ADAM12: variants seen among roughly 807,000 people sequenced by gnomAD.
The protein encoded by ADAM12 is ADAM metallopeptidase domain 12.
Under a neutral mutation model 106.4 loss-of-function variants are expected in ADAM12, and 70 were observed. The ratio of observed to expected loss-of-function variants is 0.66; its 90% CI spans 0.54 to 0.80. The LOEUF (loss-of-function observed/expected upper bound fraction) is 0.80. ADAM12 is among the 30% of genes least tolerant of loss of function. ADAM12 has a pLI of 0.00. For synonymous variants in ADAM12, 420 were observed against 433.5 expected (o/e 0.97, Z 0.39); for missense variants, 1,010 against 1,171.9 (o/e 0.86, Z 2.02).
intron 2 of ADAM12, among the ~76,000 whole-genome samples, chr10:126,318,792 A>C (rs1853988075): frequency 6.6e-6 from 1 of 152,252 alleles, no homozygotes; most frequent in Non-Finnish European, 1.5e-5. Flanking sequence ...AAGACTGGGT[A>C]ATTTTTAAAG....
intron 2 of ADAM12, among the ~76,000 whole-genome samples, chr10:126,311,603 C>T (rs1393345626): frequency 6.6e-6 from 1 of 152,030 alleles, no homozygotes; most frequent in Admixed American, 6.6e-5. Flanking sequence ...CCACCCCCAT[C>T]CTCTGGGGAG....
chr10:126,138,248 G>C (rs1305030992), intron 4 of ADAM12, among the ~76,000 whole-genome samples: 1 of 152,034 alleles, frequency 6.6e-6, no homozygotes, highest in Non-Finnish European at 1.5e-5. Flanking sequence ...ATTGGATTTT[G>C]GTGTTTTTAT....
At chr10:126,088,923 T>C (rs557511327) in intron 11 of ADAM12, among the ~76,000 whole-genome samples, 1 of 152,184 alleles carries the variant, frequency 6.6e-6, no homozygotes, top group South Asian at 2.1e-4. Context: ...TTGATCTGGG[T>C]GTAGATTGCA....
chr10:126,339,635 A>G (rs1854846661), intron 1 of ADAM12, among the ~76,000 whole-genome samples: 1 of 152,150 alleles, frequency 6.6e-6, no homozygotes, highest in African/African-American at 2.4e-5. Flanking sequence ...TTTCTCATCA[A>G]GAGAACATGA....
intron 2 of ADAM12, among the ~76,000 whole-genome samples, chr10:126,326,080 G>A (rs941552790): frequency 1.5e-4 from 23 of 152,190 alleles, no homozygotes; most frequent in Non-Finnish European, 2.5e-4. Flanking sequence ...AAGAGACAGA[G>A]AACTTGACAG....
At chr10:126,336,887 C>T (rs904429975) in intron 1 of ADAM12, among the ~76,000 whole-genome samples, 12 of 152,196 alleles carry the variant, frequency 7.9e-5, no homozygotes, top group Non-Finnish European at 1.5e-4. Flanking sequence ...ATCCACCACA[C>T]GCTCTCAATG....
At chr10:126,312,324 A>T (rs910613266) in intron 2 of ADAM12, among the ~76,000 whole-genome samples, 10 of 152,124 alleles carry the variant, frequency 6.6e-5, no homozygotes, top group Non-Finnish European at 1.3e-4. Flanking sequence ...TTCCAAGCAC[A>T]CCTGCTCCTT....
At chr10:126,081,558 G>C (rs1278340) in intron 11 of ADAM12, among the ~76,000 whole-genome samples, 62,653 of 152,072 alleles carry the variant, frequency 0.41, 13,765 homozygotes, top group African/African-American at 0.53. Flanking sequence ...GCCACAGATT[G>C]GGCAGACCCA....
rs1054681508 is a variant in ADAM12, at chr10:126,041,431, C to CTT, written c.2104+1607_2104+1608dup. ...TTGTTTTCACTTTTTAACATTCTTA[C>CTT]TTGTTAAATGAAGGGTTGGTGACTC... On this transcript the variant is annotated intron_variant, in intron 18 of 22. Coordinates refer to ENST00000448723, the MANE Select transcript of ADAM12 (RefSeq NM_001288973.2). The CTT allele has an allele frequency of 2.0e-5, 20 of 985,538 alleles. No individual in the cohort carries two copies. The African/African-American group carries it at 3.3e-4, about 16-fold the overall frequency. The allele number at this position is 985,538 out of a possible 1,614,324, so 61.0% of individuals were successfully genotyped here.
chr10:126,170,750 C>G (rs1274483282), intron 3 of ADAM12, among the ~76,000 whole-genome samples: 1 of 152,194 alleles, frequency 6.6e-6, no homozygotes, highest in Non-Finnish European at 1.5e-5. Flanking sequence ...CTTCTGTTTT[C>G]TTTGTTTTAA....
intron 3 of ADAM12, among the ~76,000 whole-genome samples, chr10:126,261,117 T>C (rs1483313908): frequency 6.6e-6 from 1 of 152,234 alleles, no homozygotes; most frequent in African/African-American, 2.4e-5. Context: ...CAGTAGGTTA[T>C]ATGCAAATAC....
intron 14 of ADAM12, among the ~76,000 whole-genome samples, chr10:126,061,455 C>A (rs1348361359): frequency 6.6e-6 from 1 of 152,160 alleles, no homozygotes; most frequent in East Asian, 1.9e-4. Context: ...CTAAAAGGCC[C>A]ACATCCTTGT....
At chr10:126,249,379 CT>C (rs1348582594) in intron 3 of ADAM12, among the ~76,000 whole-genome samples, 1 of 152,114 alleles carries the variant, frequency 6.6e-6, no homozygotes, top group African/African-American at 2.4e-5. Flanking sequence ...AAGCAGACGC[CT>C]TACAAATTAG....
chr10:126,065,848 C>T (rs1344719475), intron 13 of ADAM12, among the ~76,000 whole-genome samples: 1 of 152,156 alleles, frequency 6.6e-6, no homozygotes, highest in Non-Finnish European at 1.5e-5. Flanking sequence ...CTTGCTTCCC[C>T]CTTCCCCCGA....
chr10:126,336,990 G>A (rs1854725477), intron 1 of ADAM12, among the ~76,000 whole-genome samples: 1 of 152,232 alleles, frequency 6.6e-6, no homozygotes, highest in African/African-American at 2.4e-5. Flanking sequence ...GGGCCGGCAA[G>A]AGGATCAAAT....
intron 20 of ADAM12, 119 bp downstream of exon 20, chr10:126,038,122 T>C: frequency 1.0e-6 from 1 of 969,778 alleles, no homozygotes. Context: ...GCTGACCTAG[T>C]GAGGCTGACT....
intron 2 of ADAM12, among the ~76,000 whole-genome samples, chr10:126,324,281 G>T (rs1433310304): frequency 1.3e-5 from 2 of 152,232 alleles, no homozygotes; most frequent in Non-Finnish European, 2.9e-5. Context: ...TGCTTAAGTG[G>T]TGCTTCAAGA....
chr10:126,266,201 C>T (rs763499028), intron 3 of ADAM12, among the ~76,000 whole-genome samples: 28 of 152,184 alleles, frequency 1.8e-4, no homozygotes, highest in African/African-American at 5.8e-4. Context: ...CACCTCCTGG[C>T]CCACCTCCAC....
At chr10:126,201,429 C>T (rs1325012602) in intron 3 of ADAM12, among the ~76,000 whole-genome samples, 3 of 151,980 alleles carry the variant, frequency 2.0e-5, no homozygotes, top group Non-Finnish European at 4.4e-5. Flanking sequence ...TGCCACGAGC[C>T]AAAAACGCCA....
Sources: allele counts gnomAD v4.1 joint callset (sites outside exome capture counted in the v4.1 genomes callset), GRCh38; gene constraint gnomAD v4.1.1; transcripts MANE v1.5; gene names NCBI Gene and HGNC (gene_info 2026-07-23, HGNC 2026-07-21).